Variants in WIF1 observed in about 807,000 individuals in gnomAD.
WIF1 encodes Wnt inhibitory factor 1.
A neutral mutation model predicts 53.5 loss-of-function variants in WIF1; 35 were observed. That is an observed-to-expected ratio of 0.65 (90% CI 0.50 to 0.87). The LOEUF (loss-of-function observed/expected upper bound fraction) is 0.87, where lower values mean the gene tolerates loss of function less well. Ranked by LOEUF, WIF1 falls within the 40% of genes least tolerant of loss-of-function variation. The probability of loss-of-function intolerance (pLI) is 0.00; values close to 1 mark genes in which losing one functional copy is unlikely to be tolerated. For missense variants in WIF1, 467 were observed against 476.8 expected (o/e 0.98, Z 0.19); for synonymous variants, 171 against 170.4 (o/e 1.00, Z -0.03).
At chr12:65,055,001 C>T in intron 9 of WIF1, 117 bp downstream of exon 9, 4 of 1,010,022 alleles carry the variant, frequency 4.0e-6, no homozygotes, top group Middle Eastern at 3.1e-4. Context: ...TATAGGTTGA[C>T]TGTTAGCCTT....
At chr12:65,063,208 T>C (rs1446723642) in intron 6 of WIF1, among the ~76,000 whole-genome samples, 2 of 152,148 alleles carry the variant, frequency 1.3e-5, no homozygotes, top group Admixed American at 1.3e-4. Context: ...GGCTGTATCA[T>C]AGTGGAAGCC....
intron 7 of WIF1, among the ~76,000 whole-genome samples, chr12:65,061,929 A>G (rs1477138380): frequency 6.6e-6 from 1 of 152,186 alleles, no homozygotes; most frequent in Non-Finnish European, 1.5e-5. Context: ...GTGTCTGGTT[A>G]CTTTCACTTA....
Position 65,110,815 on chromosome 12 carries a change from C to A in WIF1, c.288+9602G>T, listed in dbSNP as rs1592404792. On this transcript the variant is annotated intron_variant, in intron 2 of 9. Coordinates refer to ENST00000286574, the MANE Select transcript of WIF1 (RefSeq NM_007191.5). ...AATGGAAAAGTTAATCAATTAAAAC[C>A]TATTATAATCAAGTATTACCATTAT... Among the ~76,000 whole-genome samples the A allele has an allele frequency of 2.0e-5, 3 of 152,300 alleles. No individual in the cohort carries two copies. In the South Asian group the frequency reaches 6.2e-4, roughly 32 times the overall value.
At chr12:65,071,005 G>A (rs1882763540) in intron 3 of WIF1, among the ~76,000 whole-genome samples, 1 of 151,974 alleles carries the variant, frequency 6.6e-6, no homozygotes, top group South Asian at 2.1e-4. Flanking sequence ...GGAGGCCGAG[G>A]CGGGTGCATC....
chr12:65,088,424 G>A (rs1189211116), intron 2 of WIF1, among the ~76,000 whole-genome samples: 1 of 152,048 alleles, frequency 6.6e-6, no homozygotes. Context: ...TATGCCATCT[G>A]TGCACATGTA....
chr12:65,056,032 C>T lies in WIF1; in HGVS notation c.921G>A (p.Lys307=). 2 of 1,613,744 alleles carry T rather than the reference C, an allele frequency of 1.2e-6. No homozygotes were observed. The highest frequency in any genetic ancestry group is 1.7e-6 in the Non-Finnish European group (2 of 1,179,854). The part of the protein sequence containing the change: ...SKGYQGDLCS[K]PVCEPGCGAH... ...TGGCAATGTGTATGGGGTACTTACG[C>T]TTTGAACAGAGGTCTCCCTGGTAAC... Residue 307 remains lysine (K), a splice_region_variant and synonymous_variant, in exon 8 of 10, where the codon AAG becomes AAA. Coordinates refer to ENST00000286574, the MANE Select transcript of WIF1 (RefSeq NM_007191.5).
rs544731761 is a variant in WIF1, at chr12:65,120,574, A to G, written c.149-18T>C. On this transcript the variant is annotated intron_variant, in intron 1 of 9. Coordinates refer to ENST00000286574, the MANE Select transcript of WIF1 (RefSeq NM_007191.5). ...TTCAAATCCTGGTTTTTAAAATAAT[A>G]AAACGATCAAACCAGGTAGACTTGA... is the stretch of plus-strand genomic sequence containing the variant. 2.5e-6 allele frequency: 4 copies of G among 1,600,692 alleles called. No individual in the cohort carries two copies. The highest frequency in any genetic ancestry group is 1.8e-5 in the Admixed American group (1 of 56,368).
intron 7 of WIF1, among the ~76,000 whole-genome samples, chr12:65,061,880 A>G (rs2136611563): frequency 6.6e-6 from 1 of 152,324 alleles, no homozygotes; most frequent in East Asian, 1.9e-4. Context: ...CCTATTCTTG[A>G]ACTTCAAAAA....
rs747650443 is a variant in WIF1 at position 65,068,772 on chromosome 12, C to T, written c.530G>A (p.Cys177Tyr). Residue 177 changes from cysteine (C) to tyrosine (Y), a missense_variant, in exon 4 of 10, where the codon TGT becomes TAT. By Grantham distance (194) the Cys-to-Tyr change is radical. Transcript: ENST00000286574. Reference sequence around the variant, plus strand: ...TCACCATCGGTGCTTACCTTGTTGACATGTTTTAAAGAAGATAGCATTTTG... The same window carrying T: ...TCACCATCGGTGCTTACCTTGTTGATATGTTTTAAAGAAGATAGCATTTTG... ...TPQNAIFFKT[C>Y]QQAECPGGCR... 6.2e-7 allele frequency: 1 copy of T among 1,613,122 alleles called. No homozygotes were observed. The highest frequency in any genetic ancestry group is 8.5e-7 in the Non-Finnish European group (1 of 1,179,526).
chr12:65,056,682 C>T lies in WIF1; in HGVS notation c.827-556G>A, dbSNP rs1882533924. 6.6e-5 allele frequency among the ~76,000 whole-genome samples: 10 copies of T among 152,078 alleles called. No homozygotes were observed. The South Asian group carries it at 2.1e-3, about 32-fold the overall frequency. On this transcript the variant is annotated intron_variant, in intron 7 of 9. Transcript: ENST00000286574. Reference sequence around the variant, plus strand: ...TGGTTCTTTTTGAGATGGAATCTTGCTATTTTGCCCAGGCTGGAGTGCAGT... The same window carrying T: ...TGGTTCTTTTTGAGATGGAATCTTGTTATTTTGCCCAGGCTGGAGTGCAGT...
At chr12:65,113,581 C>T (rs1883464776) in intron 2 of WIF1, among the ~76,000 whole-genome samples, 1 of 151,698 alleles carries the variant, frequency 6.6e-6, no homozygotes, top group Non-Finnish European at 1.5e-5. Flanking sequence ...TGTAACTCAT[C>T]TCCTCTAAGC....
rs1471995193 is a variant in WIF1 at position 65,066,755 on chromosome 12, C to A, written c.635-19G>T. The A allele has an allele frequency of 1.3e-6, 2 of 1,568,294 alleles. No homozygotes were observed. The highest frequency in any genetic ancestry group is 1.9e-5 in the Admixed American group (1 of 53,590). On this transcript the variant is annotated intron_variant, in intron 5 of 9. Transcript: ENST00000286574. ...CAAAGGGCTTATAGGGAGAGAGAAC[C>A]CTGATTAAGGCCAAATGGTATTTTG...
chr12:65,066,353 C>A (rs1051272461), intron 6 of WIF1, among the ~76,000 whole-genome samples: 3 of 152,124 alleles, frequency 2.0e-5, no homozygotes, highest in Non-Finnish European at 4.4e-5. Context: ...TTCCAAAGCT[C>A]TAGGCAGGAC....
Position 65,121,031 on chromosome 12 carries a change from G to A in WIF1, c.148+13C>T. 6.9e-7 allele frequency: 1 copy of A among 1,453,080 alleles called. No individual in the cohort carries two copies. The allele number at this position is 1,453,080 out of a possible 1,614,324, so 90.0% of individuals were successfully genotyped here. A position where few individuals can be genotyped will look rare whatever the true frequency, so the allele number is the denominator to read the frequency against. ...ACATAGGCAGGGGAAGGCGCTGGAG[G>A]CGGGGGCCTTACCTATGAGTACTCT... On this transcript the variant is annotated intron_variant, in intron 1 of 9. Coordinates refer to ENST00000286574, the MANE Select transcript of WIF1 (RefSeq NM_007191.5).
At chr12:65,055,964 T>A in intron 8 of WIF1, 67 bp downstream of exon 8, 1 of 1,410,448 alleles carries the variant, frequency 7.1e-7, no homozygotes. Context: ...CGGAAGTATG[T>A]AGTGAGAGAC....
At chr12:65,088,395 TG>T (rs1883073912) in intron 2 of WIF1, among the ~76,000 whole-genome samples, 1 of 152,170 alleles carries the variant, frequency 6.6e-6, no homozygotes, top group African/African-American at 2.4e-5. Flanking sequence ...CCATATCCTC[TG>T]AGACTGGCCC....
chr12:65,078,538 T>C (rs1208574869), intron 2 of WIF1, among the ~76,000 whole-genome samples: 1 of 152,180 alleles, frequency 6.6e-6, no homozygotes, highest in Non-Finnish European at 1.5e-5. Context: ...AATTCTGAAG[T>C]GAGTCTTTTG....
chr12:65,116,972 T>C (rs1219896011), intron 2 of WIF1, among the ~76,000 whole-genome samples: 1 of 144,514 alleles, frequency 6.9e-6, no homozygotes, highest in African/African-American at 2.6e-5. Context: ...TTGTCTTCCG[T>C]GAAACCAGAC....
At chr12:65,061,559 G>A (rs1415652294) in intron 7 of WIF1, among the ~76,000 whole-genome samples, 3 of 152,226 alleles carry the variant, frequency 2.0e-5, no homozygotes, top group Non-Finnish European at 4.4e-5. Context: ...GTTAAAGAGA[G>A]AGGCTACATG....
Sources: gnomAD v4.1 joint callset for allele counts (sites outside exome capture counted in the v4.1 genomes callset) on GRCh38, gnomAD v4.1.1 for gene constraint, MANE v1.5 for transcripts, NCBI Gene and HGNC (gene_info 2026-07-23, HGNC 2026-07-21) for gene names.